Variants in ECT2 observed in about 807,000 individuals in gnomAD.
ECT2 encodes the protein protein ECT2.
A neutral mutation model predicts 116.9 loss-of-function variants in ECT2; 61 were observed. That is an observed-to-expected ratio of 0.52 (90% CI 0.42 to 0.65). The LOEUF (loss-of-function observed/expected upper bound fraction) is 0.65. Among genes scored for constraint, ECT2 ranks in the 30% least tolerant of loss-of-function variants. The probability of loss-of-function intolerance (pLI) is 0.00; values close to 1 mark genes in which losing one functional copy is unlikely to be tolerated. For synonymous variants in ECT2, 358 were observed against 346.4 expected (o/e 1.03, Z -0.37); for missense variants, 937 against 1,078.7 (o/e 0.87, Z 1.84).
chr3:172,827,869 T>C, the ECT2 span, among the ~76,000 whole-genome samples: 1 of 152,230 alleles, frequency 6.6e-6, no homozygotes, highest in Admixed American at 6.5e-5. Flanking sequence ...AAGCTGACCA[T>C]TGAATGCTTG....
At chr3:172,793,918 C>T (rs1359436111) in intron 18 of ECT2, among the ~76,000 whole-genome samples, 1 of 151,224 alleles carries the variant, frequency 6.6e-6, no homozygotes, top group Admixed American at 6.6e-5. Context: ...CTGTTCAAAT[C>T]TTTTGTTTAT....
intron 1 of ECT2, among the ~76,000 whole-genome samples, chr3:172,753,121 G>C (rs1247156755): frequency 2.0e-5 from 3 of 151,976 alleles, no homozygotes; most frequent in Admixed American, 6.6e-5. Context: ...AGAGAGACAG[G>C]GTCTTGCTCT....
intron 18 of ECT2, among the ~76,000 whole-genome samples, chr3:172,800,126 G>A (rs1235837566): frequency 6.6e-6 from 1 of 152,166 alleles, no homozygotes; most frequent in African/African-American, 2.4e-5. Context: ...TTGATCAAAG[G>A]GGGGAAATGT....
At chr3:172,818,442 T>A in intron 24 of ECT2, 1 of 603,054 alleles carries the variant, frequency 1.7e-6, no homozygotes, top group Non-Finnish European at 2.1e-6. Context: ...AAAATTAATT[T>A]ATTTATGGTT....
At chr3:172,782,843 A>G (rs1722956878) in intron 15 of ECT2, among the ~76,000 whole-genome samples, 1 of 147,634 alleles carries the variant, frequency 6.8e-6, no homozygotes. Context: ...CTCCAGTTCC[A>G]TCTATGTTCC....
rs1304004664 is a variant in ECT2, at chr3:172,820,374, A to G, written c.*137A>G. 3 of 472,972 alleles carry G rather than the reference A, an allele frequency of 6.3e-6. No homozygotes were observed. The highest frequency in any genetic ancestry group is 3.5e-5 in the East Asian group (1 of 28,806). 29.3% of individuals were successfully genotyped at this position (472,972 alleles called of 1,614,324 possible). A position where few individuals can be genotyped will look rare whatever the true frequency, so the allele number is the denominator to read the frequency against. On this transcript the variant is annotated 3_prime_UTR_variant, in exon 25 of 25. Transcript: ENST00000392692. ...AAATAACACTAAACTATGCTATTTG[A>G]TTTTTCTTCTTGAAAGAGTAAGGTT...
intron 1 of ECT2, among the ~76,000 whole-genome samples, chr3:172,753,004 C>T (rs1716219906): frequency 6.6e-6 from 1 of 152,128 alleles, no homozygotes; most frequent in Non-Finnish European, 1.5e-5. Flanking sequence ...ACATGTAGCT[C>T]TCGTTAAAGG....
rs190313790 is a variant in ECT2, at chr3:172,814,614, G to T, written c.2401-990G>T. ...ATTTTTAATTACTTAGAAATTAATT[G>T]TCTTGTTTAAGTGGTTCAGTGGTTC... is the stretch of plus-strand genomic sequence containing the variant. On this transcript the variant is annotated intron_variant, in intron 22 of 24. Transcript: ENST00000392692. Among the ~76,000 whole-genome samples the T allele has an allele frequency of 2.7e-3, 408 of 152,160 alleles. 2 individuals are homozygous for T. The highest frequency in any genetic ancestry group is 9.2e-3 in the African/African-American group (383 of 41,532).
intron 4 of ECT2, among the ~76,000 whole-genome samples, chr3:172,755,813 A>G (rs1383898388): frequency 6.6e-6 from 1 of 152,194 alleles, no homozygotes; most frequent in Non-Finnish European, 1.5e-5. Flanking sequence ...TAATCAGGGA[A>G]TTTGCCTCAG....
chr3:172,792,387 A>G (rs548486284), intron 18 of ECT2, among the ~76,000 whole-genome samples: 1 of 152,246 alleles, frequency 6.6e-6, no homozygotes, highest in Non-Finnish European at 1.5e-5. Context: ...AGTAAAGCAC[A>G]ATAAAGCGAG....
At chr3:172,789,161 G>A (rs748189806) in intron 18 of ECT2, among the ~76,000 whole-genome samples, 2 of 151,492 alleles carry the variant, frequency 1.3e-5, no homozygotes, top group Non-Finnish European at 2.9e-5. Context: ...GCTTACCAGG[G>A]TCGTGGTTGC....
intron 22 of ECT2, among the ~76,000 whole-genome samples, chr3:172,814,488 G>C (rs1043556856): frequency 1.3e-5 from 2 of 151,982 alleles, no homozygotes; most frequent in Non-Finnish European, 2.9e-5. Flanking sequence ...TCATAGCCTA[G>C]ATTTATAAAT....
chr3:172,823,495 G>A (rs751561579), downstream of ECT2, among the ~76,000 whole-genome samples: 1 of 152,096 alleles, frequency 6.6e-6, no homozygotes, highest in Non-Finnish European at 1.5e-5. Flanking sequence ...GTACTCTTAC[G>A]TATGTCTGTT....
At chr3:172,824,066 G>A (rs909037078), downstream of ECT2, among the ~76,000 whole-genome samples, 6 of 151,826 alleles carry the variant, frequency 4.0e-5, no homozygotes, top group African/African-American at 1.5e-4. Context: ...GGTTCTGAAA[G>A]AACTATCTAG....
chr3:172,767,578 T>C (rs1252273484), intron 12 of ECT2, among the ~76,000 whole-genome samples: 1 of 152,240 alleles, frequency 6.6e-6, no homozygotes, highest in Non-Finnish European at 1.5e-5. Flanking sequence ...TTTTATGTCA[T>C]ACATTCCTTT....
chr3:172,807,674 A>G, intron 21 of ECT2, 96 bp from the exon 22 acceptor site: 1 of 1,355,462 alleles, frequency 7.4e-7, no homozygotes, highest in Non-Finnish European at 1.0e-6. Context: ...AGTTCATTTC[A>G]TTGGAATTTC....
intron 14 of ECT2, among the ~76,000 whole-genome samples, chr3:172,780,466 G>A (rs1401335682): frequency 2.0e-5 from 3 of 152,160 alleles, no homozygotes; most frequent in Non-Finnish European, 2.9e-5. Context: ...ATACCTAGGA[G>A]TAGCATTGAT....
At chr3:172,786,325 A>T (rs1285089483) in intron 17 of ECT2, among the ~76,000 whole-genome samples, 168 bp from the exon 18 acceptor site, 1 of 152,222 alleles carries the variant, frequency 6.6e-6, no homozygotes, top group Non-Finnish European at 1.5e-5. Flanking sequence ...AAACCTTAAC[A>T]GATGTGTAAT....
chr3:172,756,176 C>T (rs1323120830), intron 4 of ECT2, among the ~76,000 whole-genome samples: 1 of 152,132 alleles, frequency 6.6e-6, no homozygotes, highest in Non-Finnish European at 1.5e-5. Context: ...ACTCTAAGGA[C>T]TTCATTCTTC....
Sources: gnomAD v4.1 joint callset for allele counts (sites outside exome capture counted in the v4.1 genomes callset) on GRCh38, gnomAD v4.1.1 for gene constraint, MANE v1.5 for transcripts, NCBI Gene and HGNC (gene_info 2026-07-23, HGNC 2026-07-21) for gene names.